Variants in POC1B observed in about 807,000 individuals in gnomAD.
POC1B encodes POC1 centriolar protein homolog B.
In POC1B, 44 loss-of-function variants were observed where a neutral mutation model predicts 60.6. That is an observed-to-expected ratio of 0.73 (90% CI 0.57 to 0.93). POC1B has a LOEUF of 0.93. POC1B is among the 40% of genes least tolerant of loss of function. The pLI, the probability that POC1B is intolerant of heterozygous loss-of-function variation, is 0.00. For missense variants in POC1B, 555 were observed against 572.3 expected, an observed-to-expected ratio of 0.97 and a Z score of 0.31; for synonymous variants, 180 against 198.9, an observed-to-expected ratio of 0.90 and a Z score of 0.80.
At chr12:89,444,081 A>G (rs557076934) in intron 10 of POC1B, among the ~76,000 whole-genome samples, 34 of 152,340 alleles carry the variant, frequency 2.2e-4, no homozygotes, top group Non-Finnish European at 4.6e-4. Context: ...GAATAGACCA[A>G]TAACAGGCTC....
At chr12:89,451,853 G>A (rs990824042) in intron 10 of POC1B, among the ~76,000 whole-genome samples, 1 of 152,176 alleles carries the variant, frequency 6.6e-6, no homozygotes, top group Non-Finnish European at 1.5e-5. Context: ...GGGTATAGAT[G>A]TGCAGAACAG....
chr12:89,455,100 G>A (rs1282302390), intron 10 of POC1B, among the ~76,000 whole-genome samples: 5 of 152,264 alleles, frequency 3.3e-5, no homozygotes, highest in South Asian at 4.1e-4. Flanking sequence ...TTGAGAGGCC[G>A]AGGTGGGTGG....
At chr12:89,417,471 A>T (rs530888875), downstream of POC1B, among the ~76,000 whole-genome samples, 1 of 152,228 alleles carries the variant, frequency 6.6e-6, no homozygotes, top group Non-Finnish European at 1.5e-5. Flanking sequence ...CAGTTTGGCA[A>T]TGTCTGATTC....
intron 1 of POC1B, chr12:89,525,573 C>G (rs865997662): frequency 7.0e-6 from 9 of 1,290,538 alleles, no homozygotes; most frequent in Non-Finnish European, 7.8e-6. Context: ...TTAATACTTC[C>G]TAGGTGATTC....
rs78851814 is a variant in POC1B at position 89,471,590 on chromosome 12, A to T, written c.676+24T>A. ...CAAAAGGAGTCCATTCGGTAACTGA[A>T]TTTTTTGTTAGGAAAATTGTTACCT... On this transcript the variant is annotated intron_variant, in intron 6 of 11. Coordinates refer to ENST00000313546, the MANE Select transcript of POC1B (RefSeq NM_172240.3). The T allele has an allele frequency of 7.1e-3, 11,091 of 1,561,582 alleles. 60 individuals are homozygous for T. Among genetic ancestry groups the T allele is most frequent in the Non-Finnish European group, 8.2e-3 (9,260 of 1,134,676 alleles).
chr12:89,500,561 G>T (rs929207574), intron 2 of POC1B: 61 of 1,605,908 alleles, frequency 3.8e-5, no homozygotes, highest in Non-Finnish European at 5.1e-5. Context: ...CTTATCTGTT[G>T]GCTCACCTTC....
At chr12:89,469,877 CA>C (rs1408751140) in intron 7 of POC1B, among the ~76,000 whole-genome samples, 14 of 74,864 alleles carry the variant, frequency 1.9e-4, no homozygotes, top group Admixed American at 1.4e-3. Flanking sequence ...TTTTTTCTTC[CA>C]TTTTTTTTTT....
At chr12:89,503,628 G>A (rs1360968323) in intron 2 of POC1B, among the ~76,000 whole-genome samples, 2 of 151,248 alleles carry the variant, frequency 1.3e-5, no homozygotes, top group Non-Finnish European at 3.0e-5. Context: ...CGTCTGAGAT[G>A]TGGGGAGCGC....
chr12:89,442,454 C>T (rs1162316896), intron 10 of POC1B, among the ~76,000 whole-genome samples: 3 of 152,198 alleles, frequency 2.0e-5, no homozygotes, highest in Non-Finnish European at 2.9e-5. Flanking sequence ...CAATATTCAA[C>T]ATTCTTAAAG....
intron 2 of POC1B, among the ~76,000 whole-genome samples, chr12:89,515,820 T>A (rs570033196): frequency 6.6e-6 from 1 of 152,120 alleles, no homozygotes; most frequent in Non-Finnish European, 1.5e-5. Context: ...CCATTGAGGC[T>A]CTCTTCTCAC....
intron 2 of POC1B, chr12:89,523,435 C>T (rs1411568250): frequency 3.7e-6 from 6 of 1,614,030 alleles, no homozygotes; most frequent in Admixed American, 1.7e-5. Flanking sequence ...GAAATTGGGG[C>T]GAGCATATGG....
chr12:89,496,808 T>G (rs1592627760), intron 3 of POC1B, among the ~76,000 whole-genome samples: 1 of 152,178 alleles, frequency 6.6e-6, no homozygotes, highest in Non-Finnish European at 1.5e-5. Flanking sequence ...GAAGGATCCA[T>G]GAACGGGCGT....
chr12:89,436,337 T>A (rs1233102555), intron 10 of POC1B, among the ~76,000 whole-genome samples: 1 of 152,230 alleles, frequency 6.6e-6, no homozygotes, highest in Non-Finnish European at 1.5e-5. Context: ...AAACCCGTTA[T>A]GTTTCATAGC....
At chr12:89,414,630 A>G in the POC1B span, among the ~76,000 whole-genome samples, 1 of 152,258 alleles carries the variant, frequency 6.6e-6, no homozygotes, top group African/African-American at 2.4e-5. Context: ...TGTATAAGCC[A>G]TCAAGGAAAA....
At chr12:89,463,486 TCC>T (rs879311341) in intron 9 of POC1B, among the ~76,000 whole-genome samples, 15 of 152,008 alleles carry the variant, frequency 9.9e-5, no homozygotes, top group Non-Finnish European at 1.9e-4. Flanking sequence ...GACAATGCAA[TCC>T]AACTCATGAC....
intron 4 of POC1B, among the ~76,000 whole-genome samples, chr12:89,474,195 G>C (rs1490451791): frequency 6.6e-6 from 1 of 151,084 alleles, no homozygotes. Context: ...TACAGAGTAA[G>C]ACTCTGTCTC....
chr12:89,417,720 C>T (rs1005023331), downstream of POC1B, among the ~76,000 whole-genome samples: 1 of 152,208 alleles, frequency 6.6e-6, no homozygotes, highest in Admixed American at 6.5e-5. Context: ...TTGAGCCATA[C>T]TCACTAAGAA....
chr12:89,445,312 C>T (rs1881729940), intron 10 of POC1B, among the ~76,000 whole-genome samples: 1 of 152,050 alleles, frequency 6.6e-6, no homozygotes, highest in South Asian at 2.1e-4. Flanking sequence ...AATCCTAAGC[C>T]AAAAGAACAA....
chr12:89,514,149 G>C (rs1033274061), intron 2 of POC1B, among the ~76,000 whole-genome samples: 5 of 152,048 alleles, frequency 3.3e-5, no homozygotes, highest in African/African-American at 1.2e-4. Context: ...TTGGATCATA[G>C]GGGCAGAATT....
Sources: gnomAD v4.1 joint callset for allele counts (sites outside exome capture counted in the v4.1 genomes callset) on GRCh38, gnomAD v4.1.1 for gene constraint, MANE v1.5 for transcripts, NCBI Gene and HGNC (gene_info 2026-07-23, HGNC 2026-07-21) for gene names.